NFIA: variants seen among roughly 807,000 people sequenced by gnomAD.
NFIA encodes the protein nuclear factor 1 A-type.
A neutral mutation model predicts 62.8 loss-of-function variants in NFIA; 8 were observed. The ratio of observed to expected loss-of-function variants is 0.13; its 90% CI spans 0.07 to 0.23. NFIA has a LOEUF of 0.23. Ranked by LOEUF, NFIA falls within the 10% of genes least tolerant of loss-of-function variation. The probability of loss-of-function intolerance (pLI) is 1.00; values close to 1 mark genes in which losing one functional copy is unlikely to be tolerated. For missense variants in NFIA, 410 were observed against 642.1 expected (o/e 0.64, Z 3.91); for synonymous variants, 235 against 238.1 (o/e 0.99, Z 0.12).
intron 4 of NFIA, among the ~76,000 whole-genome samples, chr1:61,345,015 A>G (rs888785088): frequency 1.3e-5 from 2 of 152,196 alleles, no homozygotes; most frequent in African/African-American, 2.4e-5. Context: ...AGTAGCCTAC[A>G]TTACTATAAT....
chr1:61,333,893 A>C (rs984489903), intron 4 of NFIA, among the ~76,000 whole-genome samples: 1 of 152,168 alleles, frequency 6.6e-6, no homozygotes, highest in Non-Finnish European at 1.5e-5. Context: ...CCAGCTACTC[A>C]GGAGGCTGAG....
intron 2 of NFIA, among the ~76,000 whole-genome samples, chr1:61,160,986 C>G (rs1219195325): frequency 6.6e-6 from 1 of 152,226 alleles, no homozygotes; most frequent in African/African-American, 2.4e-5. Flanking sequence ...ACAATCTCAG[C>G]TCACTGCAAC....
intron 2 of NFIA, among the ~76,000 whole-genome samples, chr1:61,248,629 A>C (rs966427654): frequency 6.6e-6 from 1 of 152,236 alleles, no homozygotes; most frequent in Admixed American, 6.5e-5. Context: ...AGGTAATCCC[A>C]AAACGTTTCT....
At position 61,126,099 on chromosome 1, in the gene NFIA, C is replaced by T. The variant is rs552016704; in HGVS notation, c.559+37419C>T. ...GGAAACTAAGTTTATATAAGTGTCACGAAACTTGCTTCAGTTCAGATGTCT... is the reference window on the plus strand; with the variant it reads ...GGAAACTAAGTTTATATAAGTGTCATGAAACTTGCTTCAGTTCAGATGTCT... On this transcript the variant is annotated intron_variant, in intron 2 of 10. Coordinates refer to ENST00000403491, the MANE Select transcript of NFIA (RefSeq NM_001134673.4). Among the ~76,000 whole-genome samples the T allele has an allele frequency of 4.6e-5, 7 of 152,196 alleles. No individual in the cohort carries two copies. The East Asian group carries it at 9.7e-4, about 21-fold the overall frequency.
intron 2 of NFIA, among the ~76,000 whole-genome samples, chr1:61,150,617 G>T (rs545632322): frequency 8.5e-5 from 13 of 152,126 alleles, no homozygotes; most frequent in Non-Finnish European, 1.5e-4. Context: ...ACTTCTTAGG[G>T]GTATCGATAA....
At chr1:61,148,419 C>T (rs552264228) in intron 2 of NFIA, among the ~76,000 whole-genome samples, 8 of 152,236 alleles carry the variant, frequency 5.3e-5, no homozygotes, top group Admixed American at 2.0e-4. Flanking sequence ...GGCTAATTCC[C>T]GCTGGTTCTT....
chr1:61,314,701 T>C (rs1176468924), intron 3 of NFIA, among the ~76,000 whole-genome samples: 1 of 152,200 alleles, frequency 6.6e-6, no homozygotes, highest in Non-Finnish European at 1.5e-5. Flanking sequence ...TTGCCCCCCA[T>C]AAATTTGACT....
At chr1:61,225,550 G>A (rs868027241) in intron 2 of NFIA, among the ~76,000 whole-genome samples, 1 of 139,206 alleles carries the variant, frequency 7.2e-6, no homozygotes, top group East Asian at 2.1e-4. Flanking sequence ...CGCCCAGCTC[G>A]TACTTTTTTT....
intron 2 of NFIA, among the ~76,000 whole-genome samples, chr1:61,169,128 G>GA (rs1328595445): frequency 1.3e-5 from 2 of 151,868 alleles, no homozygotes; most frequent in East Asian, 1.9e-4. Flanking sequence ...CTCCCTAAAG[G>GA]AAAAAAAGTC....
At chr1:61,281,256 A>G (rs1221509334) in intron 3 of NFIA, among the ~76,000 whole-genome samples, 1 of 151,958 alleles carries the variant, frequency 6.6e-6, no homozygotes, top group Non-Finnish European at 1.5e-5. Flanking sequence ...AAAAGAAAAG[A>G]AAAGAAATAA....
chr1:61,198,045 A>G (rs916952306), intron 2 of NFIA, among the ~76,000 whole-genome samples: 4 of 152,234 alleles, frequency 2.6e-5, no homozygotes, highest in African/African-American at 4.8e-5. Context: ...TAGATAGTCT[A>G]TTCCCACTTC....
intron 2 of NFIA, among the ~76,000 whole-genome samples, chr1:61,171,012 CAT>C (rs1491194118): frequency 9.2e-5 from 14 of 152,142 alleles, no homozygotes; most frequent in African/African-American, 2.2e-4. Context: ...TGCTCTGTGG[CAT>C]GTGTGTGTGT....
At position 61,229,185 on chromosome 1, in the gene NFIA, T is replaced by A. The variant is rs534534395; in HGVS notation, c.560-48335T>A. Among the ~76,000 whole-genome samples, 10 of 151,882 alleles carry A rather than the reference T, an allele frequency of 6.6e-5. No individual in the cohort carries two copies. In the East Asian group the frequency reaches 1.9e-3, roughly 29 times the overall value. On this transcript the variant is annotated intron_variant, in intron 2 of 10. Coordinates refer to ENST00000403491, the MANE Select transcript of NFIA (RefSeq NM_001134673.4). ...CCTTTATTGGAACCAAATTTCTTAA[T>A]TCCTCTGTACAAATCAACTTGACCA...
At chr1:61,278,510 C>A (rs774792571) in intron 3 of NFIA, among the ~76,000 whole-genome samples, 2 of 152,148 alleles carry the variant, frequency 1.3e-5, no homozygotes, top group Admixed American at 6.5e-5. Flanking sequence ...AGGCTGTGGG[C>A]TGGGCGTGGT....
chr1:61,364,757 A>G (rs548532573), intron 6 of NFIA, among the ~76,000 whole-genome samples: 23 of 152,198 alleles, frequency 1.5e-4, no homozygotes, highest in Admixed American at 3.3e-4. Flanking sequence ...CATTTTATGT[A>G]GTATAGACAA....
chr1:61,398,915 T>G (rs942305928), intron 7 of NFIA, among the ~76,000 whole-genome samples: 3 of 152,226 alleles, frequency 2.0e-5, no homozygotes, highest in African/African-American at 7.2e-5. Context: ...AGAAGCAAGA[T>G]ACATAGTAGT....
chr1:61,290,112 TTA>T (rs1368725098), intron 3 of NFIA, among the ~76,000 whole-genome samples: 3 of 151,874 alleles, frequency 2.0e-5, no homozygotes, highest in Non-Finnish European at 4.4e-5. Flanking sequence ...GTCTCAAGTA[TTA>T]TGAGTATATG....
chr1:61,344,255 A>G (rs1662090810), intron 4 of NFIA, among the ~76,000 whole-genome samples: 1 of 152,172 alleles, frequency 6.6e-6, no homozygotes, highest in Non-Finnish European at 1.5e-5. Context: ...AAAGAAGAAC[A>G]AGTATTTTCC....
intron 7 of NFIA, among the ~76,000 whole-genome samples, chr1:61,394,680 C>A (rs1371201680): frequency 1.3e-5 from 2 of 152,114 alleles, no homozygotes; most frequent in Non-Finnish European, 2.9e-5. Flanking sequence ...AACTTGGTAC[C>A]CTGACTTTAA....
Sources: allele counts gnomAD v4.1 joint callset (sites outside exome capture counted in the v4.1 genomes callset), GRCh38; gene constraint gnomAD v4.1.1; transcripts MANE v1.5; gene names NCBI Gene and HGNC (gene_info 2026-07-23, HGNC 2026-07-21).